Variants in MTCH2 observed in about 807,000 individuals in gnomAD.
The protein encoded by MTCH2 is mitochondrial carrier 2.
In MTCH2, 25 loss-of-function variants were observed where a neutral mutation model predicts 50.6. That is an observed-to-expected ratio of 0.49 (90% CI 0.36 to 0.69). MTCH2 has a LOEUF of 0.69. Among genes scored for constraint, MTCH2 ranks in the 30% least tolerant of loss-of-function variants. The pLI is 0.00. For synonymous variants in MTCH2, 106 were observed against 132.0 expected, an observed-to-expected ratio of 0.80 and a Z score of 1.35; for missense variants, 273 against 384.4, an observed-to-expected ratio of 0.71 and a Z score of 2.42.
At chr11:47,606,822 T>C in the MTCH2 span, among the ~76,000 whole-genome samples, 20 of 152,246 alleles carry the variant, frequency 1.3e-4, no homozygotes, top group African/African-American at 4.8e-4. Context: ...AGCTTTTTCT[T>C]CCAGCTGAGA....
chr11:47,631,518 T>C, intron 6 of MTCH2, 136 bp downstream of exon 6: 1 of 780,082 alleles, frequency 1.3e-6, no homozygotes, highest in Non-Finnish European at 2.1e-6. Flanking sequence ...CTGGATAAAT[T>C]GGATAAAAGC....
chr11:47,638,950 A>G lies in MTCH2; in HGVS notation c.172+17T>C, dbSNP rs776980870. On this transcript the variant is annotated intron_variant, in intron 2 of 12. Coordinates refer to ENST00000302503, the MANE Select transcript of MTCH2 (RefSeq NM_014342.4). ...TCCTCAACGTCATGCAAACCCAAAT[A>G]AATCAAAGGCACTTACCATAACTAA... The G allele has an allele frequency of 6.3e-7, 1 of 1,599,620 alleles. No individual in the cohort carries two copies. The highest frequency in any genetic ancestry group is 8.5e-7 in the Non-Finnish European group (1 of 1,172,518).
chr11:47,612,865 A>G (rs994036099), downstream of MTCH2, among the ~76,000 whole-genome samples: 1 of 152,108 alleles, frequency 6.6e-6, no homozygotes, highest in African/African-American at 2.4e-5. Context: ...ATAAGATGAG[A>G]GATGAATAGA....
intron 5 of MTCH2, among the ~76,000 whole-genome samples, chr11:47,633,910 G>A (rs2097306055): frequency 6.6e-6 from 1 of 152,046 alleles, no homozygotes; most frequent in Non-Finnish European, 1.5e-5. Context: ...AAGACAATGT[G>A]AAGACTTAAG....
At chr11:47,620,045 C>G (rs554865575) in intron 12 of MTCH2, among the ~76,000 whole-genome samples, 3 of 152,062 alleles carry the variant, frequency 2.0e-5, no homozygotes, top group African/African-American at 7.2e-5. Context: ...CTATTGCACT[C>G]TAGCCTGGAT....
chr11:47,638,664 C>A (rs2097311082), intron 3 of MTCH2, 35 bp downstream of exon 3: 3 of 1,513,962 alleles, frequency 2.0e-6, no homozygotes, highest in Non-Finnish European at 2.7e-6. Flanking sequence ...AGGTAAGCAA[C>A]ATCTATGGGA....
intron 9 of MTCH2, among the ~76,000 whole-genome samples, chr11:47,628,196 A>T (rs1399465498): frequency 6.6e-6 from 1 of 152,192 alleles, no homozygotes; most frequent in Non-Finnish European, 1.5e-5. Context: ...CTGCTGAGAT[A>T]AGAAAGACAA....
chr11:47,642,164 T>C (rs2097314838), intron 1 of MTCH2, among the ~76,000 whole-genome samples: 1 of 152,004 alleles, frequency 6.6e-6, no homozygotes, highest in Non-Finnish European at 1.5e-5. Flanking sequence ...GGAGAGGGCC[T>C]CAACGCTGGG....
At chr11:47,606,043 C>T in the MTCH2 span, among the ~76,000 whole-genome samples, 1 of 152,168 alleles carries the variant, frequency 6.6e-6, no homozygotes, top group African/African-American at 2.4e-5. Flanking sequence ...CTGTCCAGGA[C>T]TGTGGCCCCT....
At chr11:47,616,849 A>G (rs926335613), downstream of MTCH2, among the ~76,000 whole-genome samples, 1 of 151,672 alleles carries the variant, frequency 6.6e-6, no homozygotes, top group African/African-American at 2.4e-5. Flanking sequence ...ATGCCCGGCT[A>G]ATTTTGTTAT....
downstream of MTCH2, among the ~76,000 whole-genome samples, chr11:47,614,092 AACAAAC>A (rs1226658102): frequency 6.6e-6 from 1 of 151,916 alleles, no homozygotes; most frequent in African/African-American, 2.4e-5. Context: ...CAAACAAACA[AACAAAC>A]ACAAAAACAC....
At chr11:47,622,471 ATTCT>A (rs2097294178) in intron 12 of MTCH2, among the ~76,000 whole-genome samples, 2 of 152,184 alleles carry the variant, frequency 1.3e-5, no homozygotes, top group Admixed American at 1.3e-4. Context: ...TCATCTAGGG[ATTCT>A]TTCTTCTTCA....
At position 47,617,897 on chromosome 11, in the gene MTCH2, A is replaced by C. The variant is rs992032445; in HGVS notation, c.*936T>G. Reference sequence around the variant, plus strand: ...AGGCTGTCATCAGAAATGCAAAACTACTCACCTTCGGCAACAATAACAAAA... The same window carrying C: ...AGGCTGTCATCAGAAATGCAAAACTCCTCACCTTCGGCAACAATAACAAAA... On this transcript the variant is annotated 3_prime_UTR_variant, in exon 13 of 13. Transcript: ENST00000302503. The C allele has an allele frequency of 2.6e-5, 4 of 152,200 alleles. No individual in the cohort carries two copies. The highest frequency in any genetic ancestry group is 5.9e-5 in the Non-Finnish European group (4 of 68,058). 9.4% of individuals were successfully genotyped at this position (152,200 alleles called of 1,614,324 possible).
the MTCH2 span, among the ~76,000 whole-genome samples, chr11:47,606,943 A>G: frequency 6.6e-6 from 1 of 152,234 alleles, no homozygotes; most frequent in African/African-American, 2.4e-5. Context: ...TGCTGCTCTC[A>G]GAGCACGTCA....
rs184913099 is a variant in MTCH2 at position 47,618,959 on chromosome 11, C to T, written c.826-40G>A. On this transcript the variant is annotated intron_variant, in intron 12 of 12. Coordinates refer to ENST00000302503, the MANE Select transcript of MTCH2 (RefSeq NM_014342.4). ...AAAACAAAACACAAATAATATCTAG[C>T]GAGATGAGATCAGCCAATCCAAATC... is the stretch of plus-strand genomic sequence containing the variant. 246 of 1,524,264 alleles carry T rather than the reference C, an allele frequency of 1.6e-4. 1 individual carries two copies. The African/African-American group carries it at 3.3e-3, about 20-fold the overall frequency. 94.4% of individuals were successfully genotyped at this position (1,524,264 alleles called of 1,614,324 possible).
chr11:47,622,339 T>A (rs3817335), intron 12 of MTCH2, among the ~76,000 whole-genome samples: 45,584 of 151,928 alleles, frequency 0.3, 7,409 homozygotes, highest in Middle Eastern at 0.38. Context: ...AATAAGTGGT[T>A]ATGAAAGGTG....
At chr11:47,620,087 A>G (rs2097291868) in intron 12 of MTCH2, among the ~76,000 whole-genome samples, 1 of 151,764 alleles carries the variant, frequency 6.6e-6, no homozygotes, top group African/African-American at 2.4e-5. Context: ...AAACAAAACA[A>G]AACAAAACAA....
chr11:47,606,107 T>A, the MTCH2 span, among the ~76,000 whole-genome samples: 1,441 of 152,334 alleles, frequency 9.5e-3, 27 homozygotes, highest in African/African-American at 0.033. Flanking sequence ...CTGGATCTTA[T>A]CTGCAAAGGT....
chr11:47,606,711 T>C, the MTCH2 span, among the ~76,000 whole-genome samples: 1 of 152,232 alleles, frequency 6.6e-6, no homozygotes. Flanking sequence ...CCACATGCCC[T>C]TCCTTCCAAA....
Sources: allele counts gnomAD v4.1 joint callset (sites outside exome capture counted in the v4.1 genomes callset), GRCh38; gene constraint gnomAD v4.1.1; transcripts MANE v1.5; gene names NCBI Gene and HGNC (gene_info 2026-07-23, HGNC 2026-07-21).